Variants in TCFL5 observed in about 807,000 individuals in gnomAD.
The protein encoded by TCFL5 is transcription factor like 5.
Under a neutral mutation model 44.3 loss-of-function variants are expected in TCFL5, and 9 were observed. The observed-to-expected ratio is 0.20, with a 90% confidence interval of 0.12 to 0.35. The LOEUF (loss-of-function observed/expected upper bound fraction) is 0.35, where lower values mean the gene tolerates loss of function less well. Among genes scored for constraint, TCFL5 ranks in the 10% least tolerant of loss-of-function variants. TCFL5 has a pLI of 1.00. For synonymous variants in TCFL5, 319 were observed against 271.6 expected, an observed-to-expected ratio of 1.17 and a Z score of -1.72; for missense variants, 603 against 613.4, an observed-to-expected ratio of 0.98 and a Z score of 0.18.
rs145305885 is a variant in TCFL5 at position 62,857,373 on chromosome 20, G to C, written c.1238+22C>G. On this transcript the variant is annotated intron_variant, in intron 4 of 5. Transcript: ENST00000335351. The stretch of plus-strand genomic sequence containing the variant: ...AAGGTAATCATATATGAGTCAGCCT[G>C]ACAAGCAGTCACACGTATTACCTTC... 148 of 1,612,150 alleles carry C rather than the reference G, an allele frequency of 9.2e-5. No homozygotes were observed. In the African/African-American group the frequency reaches 1.8e-3, roughly 19 times the overall value.
At chr20:62,852,860 C>T (rs933806307) in intron 5 of TCFL5, 3 of 1,289,480 alleles carry the variant, frequency 2.3e-6, no homozygotes, top group African/African-American at 1.5e-5. Context: ...AGTATGTTCA[C>T]CCAGTCCATG....
At chr20:62,859,335 C>T in intron 3 of TCFL5, 29 bp downstream of exon 3, 1 of 1,592,600 alleles carries the variant, frequency 6.3e-7, no homozygotes, top group African/African-American at 1.4e-5. Context: ...CAGAAGAAAG[C>T]TCCCACTACC....
chr20:62,859,211 G>A (rs563066409), intron 3 of TCFL5, among the ~76,000 whole-genome samples, 153 bp downstream of exon 3: 16 of 152,198 alleles, frequency 1.1e-4, no homozygotes, highest in East Asian at 3.9e-4. Flanking sequence ...ACAGGGAAGC[G>A]GGTGGACAGA....
chr20:62,850,171 A>G (rs1162314687), intron 5 of TCFL5, among the ~76,000 whole-genome samples: 1 of 152,176 alleles, frequency 6.6e-6, no homozygotes, highest in Non-Finnish European at 1.5e-5. Context: ...GTTCGTGTCT[A>G]TAATTGTCTT....
At chr20:62,855,804 A>ATTAAG (rs1376175803) in intron 4 of TCFL5, among the ~76,000 whole-genome samples, 1 of 152,172 alleles carries the variant, frequency 6.6e-6, no homozygotes, top group African/African-American at 2.4e-5. Context: ...AAATTGCCTT[A>ATTAAG]GCTCAACATT....
intron 5 of TCFL5, chr20:62,845,188 C>T: frequency 1.0e-6 from 1 of 958,616 alleles, no homozygotes; most frequent in Non-Finnish European, 1.2e-6. Context: ...ATGGCACGAT[C>T]TCAGCTCACT....
Position 62,857,685 on chromosome 20 carries a change from T to C in TCFL5, c.995-47A>G, listed in dbSNP as rs765035384. On this transcript the variant is annotated intron_variant, in intron 3 of 5. Transcript: ENST00000335351. ...TGGTTTTTAATTTTGTATTCTTATCTCAATTAATGCTGAATACAGTTTTGG... is the reference window on the plus strand; with the variant it reads ...TGGTTTTTAATTTTGTATTCTTATCCCAATTAATGCTGAATACAGTTTTGG... The C allele has an allele frequency of 5.6e-6, 9 of 1,594,086 alleles. No individual in the cohort carries two copies. In the Admixed American group the frequency reaches 8.6e-5, roughly 15 times the overall value.
Position 62,860,243 on chromosome 20 carries a change from C to T in TCFL5, c.713G>A (p.Cys238Tyr). ...AGTTTTATTTTTCACTAATGCTGTA[C>T]ATTTGTTTTGTTGCTGAAGAGGAAC... ...MNVPLQQQNK[C>Y]TALVKNKTAA... The change falls in exon 2 of 6, where the codon TGT (cysteine) becomes TAT (tyrosine). Residue 238 changes from cysteine to tyrosine, a missense_variant. This residue lies in a region of TCFL5 where 540 missense variants were observed against 478.7 expected (regional missense o/e 1.13). Coordinates refer to ENST00000335351, the MANE Select transcript of TCFL5 (RefSeq NM_006602.4). 1 of 1,613,796 alleles carries T rather than the reference C, an allele frequency of 6.2e-7. No homozygotes were observed. Among genetic ancestry groups the T allele is most frequent in the Non-Finnish European group, 8.5e-7 (1 of 1,179,744 alleles).
intron 5 of TCFL5, among the ~76,000 whole-genome samples, chr20:62,843,264 C>T (rs904957256): frequency 2.0e-5 from 3 of 152,094 alleles, no homozygotes; most frequent in African/African-American, 2.4e-5. Flanking sequence ...TGTGGGCTCA[C>T]GGGAGATTCT....
chr20:62,858,067 T>C (rs1201645184), intron 3 of TCFL5, among the ~76,000 whole-genome samples: 3 of 152,130 alleles, frequency 2.0e-5, no homozygotes. Context: ...ACAATTATTC[T>C]AAGAACAAGA....
At chr20:62,850,618 G>A (rs1213252511) in intron 5 of TCFL5, among the ~76,000 whole-genome samples, 1 of 152,110 alleles carries the variant, frequency 6.6e-6, no homozygotes, top group Non-Finnish European at 1.5e-5. Flanking sequence ...CCCCAGCCCA[G>A]CTCCTACTCC....
Position 62,857,214 on chromosome 20 carries a change from G to A in TCFL5, c.1238+181C>T, listed in dbSNP as rs531049070. Among the ~76,000 whole-genome samples, 16 of 152,278 alleles carry A rather than the reference G, an allele frequency of 1.1e-4. No individual in the cohort carries two copies. The East Asian group carries it at 2.7e-3, about 26-fold the overall frequency. Reference sequence around the variant, plus strand: ...GCGGAGTCCCGGGAGTCCTCCTAGTGAGCCAGCGAGCCTGGGCATAGTCTG... The same window carrying A: ...GCGGAGTCCCGGGAGTCCTCCTAGTAAGCCAGCGAGCCTGGGCATAGTCTG... On this transcript the variant is annotated intron_variant, in intron 4 of 5. Coordinates refer to ENST00000335351, the MANE Select transcript of TCFL5 (RefSeq NM_006602.4).
chr20:62,844,660 C>T (rs2063719834), intron 5 of TCFL5, among the ~76,000 whole-genome samples: 1 of 151,354 alleles, frequency 6.6e-6, no homozygotes, highest in Admixed American at 6.6e-5. Context: ...TCACTGCAAC[C>T]TCCACCTCCC....
intron 2 of TCFL5, among the ~76,000 whole-genome samples, 193 bp from the exon 3 acceptor site, chr20:62,859,719 G>T (rs1332385073): frequency 3.3e-5 from 5 of 149,606 alleles, no homozygotes; most frequent in African/African-American, 1.3e-4. Context: ...TTTTGTTTTT[G>T]TTTTTTTGTT....
chr20:62,857,721 C>T (rs2063916829), intron 3 of TCFL5, 83 bp from the exon 4 acceptor site: 10 of 1,500,674 alleles, frequency 6.7e-6, no homozygotes, highest in Non-Finnish European at 9.0e-6. Flanking sequence ...CCTTTTCAAT[C>T]CAAGATATAA....
chr20:62,861,136 C>T lies in TCFL5; in HGVS notation c.535G>A (p.Ala179Thr), dbSNP rs2063996464. The change falls in exon 1 of 6, where the codon GCC (alanine) becomes ACC (threonine). Residue 179 changes from alanine (A) to threonine (T), a missense_variant. Physicochemically the swap from Ala to Thr is moderately conservative, Grantham distance 58. Transcript: ENST00000335351. The surrounding 1 kb of genome is among the most constrained non-coding windows in gnomAD (Gnocchi z 4.0). ...AGPDGAPEAR[A>T]KPAVRVRLED... is the part of the protein sequence containing the mutation. ...AGGCGGACGCGCACGGCCGGCTTGG[C>T]CCGGGCCTCGGGCGCGCCGTCGGGT... The T allele has an allele frequency of 1.0e-6, 1 of 1,002,492 alleles. No individual in the cohort carries two copies. The highest frequency in any genetic ancestry group is 1.2e-6 in the Non-Finnish European group (1 of 843,398). The allele number at this position is 1,002,492 out of a possible 1,614,324, so 62.1% of individuals were successfully genotyped here. A position where few individuals can be genotyped will look rare whatever the true frequency, so the allele number is the denominator to read the frequency against.
In TCFL5 at chr20:62,855,039, CAATA is replaced by C. The variant is rs546731717; in HGVS notation, c.1239-886_1239-883del. 6.5e-3 allele frequency among the ~76,000 whole-genome samples: 994 copies of C among 152,330 alleles called. 11 individuals carry two copies. The highest frequency in any genetic ancestry group is 0.023 in the African/African-American group (946 of 41,580). ...TAAGGCTTTCCACATAGCAGGTACT[CAATA>C]AATGTCTATTAAATAAATGTCGGAG... On this transcript the variant is annotated intron_variant, in intron 4 of 5. Transcript: ENST00000335351.
At chr20:62,847,225 CAATG>C (rs1392309519) in intron 5 of TCFL5, among the ~76,000 whole-genome samples, 1 of 149,044 alleles carries the variant, frequency 6.7e-6, no homozygotes, top group Non-Finnish European at 1.5e-5. Context: ...AACTGAGAAA[CAATG>C]AAAGCATTGT....
intron 5 of TCFL5, chr20:62,845,467 C>G (rs2063729633): frequency 7.4e-7 from 1 of 1,360,202 alleles, no homozygotes. Context: ...TTAAAATGAC[C>G]CCACATTTTG....
Sources: allele counts gnomAD v4.1 joint callset (sites outside exome capture counted in the v4.1 genomes callset), GRCh38; gene constraint gnomAD v4.1.1; regional missense constraint gnomAD v4.1.1; non-coding constraint Gnocchi (gnomAD v3.1); transcripts MANE v1.5; gene names NCBI Gene and HGNC (gene_info 2026-07-23, HGNC 2026-07-21).